The following CREB5 variants were observed in gnomAD, a reference collection of about 807,000 sequenced individuals.
CREB5 encodes cAMP responsive element binding protein 5, also known as cyclic AMP-responsive element-binding protein 5.
A neutral mutation model predicts 57.1 loss-of-function variants in CREB5; 19 were observed. The ratio of observed to expected loss-of-function variants is 0.33; its 90% CI spans 0.23 to 0.49. CREB5 has a LOEUF of 0.49. Ranked by LOEUF, CREB5 falls within the 20% of genes least tolerant of loss-of-function variation. The pLI is 0.99. For synonymous variants in CREB5, 238 were observed against 238.3 expected (o/e 1.00, Z 0.01); for missense variants, 579 against 671.6 (o/e 0.86, Z 1.52).
chr7:28,301,224 T>C (rs1231005239), intron 1 of CREB5, among the ~76,000 whole-genome samples: 1 of 152,202 alleles, frequency 6.6e-6, no homozygotes, highest in African/African-American at 2.4e-5. Context: ...CCTTGGATTG[T>C]GGTCAACCTG....
chr7:28,341,932 T>C (rs1203057090), intron 1 of CREB5, among the ~76,000 whole-genome samples: 1 of 152,174 alleles, frequency 6.6e-6, no homozygotes, highest in South Asian at 2.1e-4. Context: ...TGAGTTGATA[T>C]TGATGGACAG....
chr7:28,336,596 T>C (rs1785826493), intron 1 of CREB5, among the ~76,000 whole-genome samples: 1 of 152,012 alleles, frequency 6.6e-6, no homozygotes, highest in African/African-American at 2.4e-5. Flanking sequence ...TTTTTCTTAG[T>C]TTGGTTAAAG....
At chr7:28,614,649 A>C (rs1797528253) in intron 5 of CREB5, among the ~76,000 whole-genome samples, 1 of 152,196 alleles carries the variant, frequency 6.6e-6, no homozygotes, top group South Asian at 2.1e-4. Context: ...GATTTAATTT[A>C]ATTTTTAAGA....
chr7:28,763,810 A>ATT lies in CREB5; in HGVS notation c.702+39486_702+39487dup, dbSNP rs111457525. On this transcript the variant is annotated intron_variant, in intron 7 of 10. Transcript: ENST00000357727. ...CTGTGGGGATATTATTATTATTATT[A>ATT]TTTTTTTTTGAGACAGGGTCTTGCT... Among the ~76,000 whole-genome samples, 946 of 149,114 alleles carry ATT rather than the reference A, an allele frequency of 6.3e-3. 5 individuals carry two copies. Among genetic ancestry groups the ATT allele is most frequent in the African/African-American group, 0.015 (601 of 40,658 alleles).
chr7:28,695,694 C>A (rs1015836631), intron 5 of CREB5, among the ~76,000 whole-genome samples: 4 of 152,146 alleles, frequency 2.6e-5, no homozygotes, highest in Admixed American at 6.5e-5. Context: ...CCTCTCCATG[C>A]CTGAGCCCTG....
chr7:28,573,676 C>T (rs1795793035), intron 5 of CREB5, among the ~76,000 whole-genome samples: 1 of 152,176 alleles, frequency 6.6e-6, no homozygotes, highest in Non-Finnish European at 1.5e-5. Flanking sequence ...AGCTTGGAGG[C>T]TTGAATGTAT....
At chr7:28,690,966 C>T (rs1278491403) in intron 5 of CREB5, among the ~76,000 whole-genome samples, 2 of 152,132 alleles carry the variant, frequency 1.3e-5, no homozygotes, top group African/African-American at 4.8e-5. Context: ...GATTAAAATG[C>T]CAAATTTCCC....
chr7:28,738,885 T>C (rs1804184385), intron 7 of CREB5, among the ~76,000 whole-genome samples: 1 of 152,228 alleles, frequency 6.6e-6, no homozygotes, highest in Non-Finnish European at 1.5e-5. Context: ...GTTCATTCAT[T>C]CATCCTTTTC....
At chr7:28,519,129 A>G (rs999663140) in intron 4 of CREB5, among the ~76,000 whole-genome samples, 1 of 152,144 alleles carries the variant, frequency 6.6e-6, no homozygotes, top group Non-Finnish European at 1.5e-5. Flanking sequence ...CACAGAGACA[A>G]TTACACCGTT....
At chr7:28,630,911 C>T (rs1188152325) in intron 5 of CREB5, among the ~76,000 whole-genome samples, 4 of 152,062 alleles carry the variant, frequency 2.6e-5, no homozygotes, top group Admixed American at 6.5e-5. Context: ...TGGTACAGAA[C>T]GCTATGAGGT....
At chr7:28,364,185 T>C (rs1434729302) in intron 1 of CREB5, among the ~76,000 whole-genome samples, 1 of 152,200 alleles carries the variant, frequency 6.6e-6, no homozygotes, top group Non-Finnish European at 1.5e-5. Context: ...TTAAAAACTT[T>C]TTGCCGGAAA....
chr7:28,443,157 G>GTTC (rs1409221974), intron 1 of CREB5, among the ~76,000 whole-genome samples: 1 of 152,136 alleles, frequency 6.6e-6, no homozygotes, highest in Non-Finnish European at 1.5e-5. Flanking sequence ...CAGACACAAA[G>GTTC]TTCTTTATTA....
chr7:28,675,483 T>C (rs80310169), intron 5 of CREB5, among the ~76,000 whole-genome samples: 2,292 of 152,270 alleles, frequency 0.015, 27 homozygotes, highest in Non-Finnish European at 0.02. Context: ...CTAAAGTCTT[T>C]TGTGAGATGA....
At chr7:28,739,638 A>T (rs1562608170) in intron 7 of CREB5, among the ~76,000 whole-genome samples, 1 of 152,174 alleles carries the variant, frequency 6.6e-6, no homozygotes, top group Non-Finnish European at 1.5e-5. Context: ...AGAAAAGCAT[A>T]TTCGAGTTTA....
intron 5 of CREB5, among the ~76,000 whole-genome samples, chr7:28,713,721 T>C (rs377596182): frequency 5.3e-5 from 8 of 152,280 alleles, no homozygotes; most frequent in African/African-American, 1.9e-4. Flanking sequence ...ATTTTAGAGC[T>C]TCAAGAGTCT....
At chr7:28,304,378 T>G (rs1311964674) in intron 1 of CREB5, among the ~76,000 whole-genome samples, 1 of 152,272 alleles carries the variant, frequency 6.6e-6, no homozygotes, top group East Asian at 1.9e-4. Flanking sequence ...AAAAATGTTC[T>G]TCACAAGTAA....
intron 6 of CREB5, among the ~76,000 whole-genome samples, chr7:28,723,364 C>T (rs912758817): frequency 6.6e-6 from 1 of 152,184 alleles, no homozygotes; most frequent in African/African-American, 2.4e-5. Flanking sequence ...CTTCTTAGTA[C>T]GAGCACCCTG....
intron 5 of CREB5, among the ~76,000 whole-genome samples, chr7:28,607,359 C>G: frequency 6.6e-6 from 1 of 151,992 alleles, no homozygotes; most frequent in East Asian, 1.9e-4. Flanking sequence ...ACAGAGTATC[C>G]CTTGAGTGGG....
At chr7:28,727,504 C>G (rs1409546712) in intron 7 of CREB5, among the ~76,000 whole-genome samples, 1 of 152,120 alleles carries the variant, frequency 6.6e-6, no homozygotes, top group African/African-American at 2.4e-5. Context: ...GGACACATTT[C>G]CAGTCTCTAT....
Sources: allele counts gnomAD v4.1 joint callset (sites outside exome capture counted in the v4.1 genomes callset), GRCh38; gene constraint gnomAD v4.1.1; transcripts MANE v1.5; gene names NCBI Gene and HGNC (gene_info 2026-07-23, HGNC 2026-07-21).